NFKB1: variants seen among roughly 807,000 people sequenced by gnomAD.
The protein encoded by NFKB1 is nuclear factor kappa B subunit 1, also known as nuclear factor NF-kappa-B p105 subunit.
NFKB1 carries 9 observed loss-of-function variants against 105.1 expected under a neutral mutation model. The ratio of observed to expected loss-of-function variants is 0.09; its 90% CI spans 0.05 to 0.15. The LOEUF (loss-of-function observed/expected upper bound fraction) is 0.15, where lower values mean the gene tolerates loss of function less well. Among genes scored for constraint, NFKB1 ranks in the 10% least tolerant of loss-of-function variants. The pLI is 1.00. For missense variants in NFKB1, 830 were observed against 1,203.7 expected (o/e 0.69, Z 4.59); for synonymous variants, 440 against 442.2 (o/e 1.00, Z 0.06).
chr4:102,551,368 G>GTGTGTGTGTGTGTGT, intron 5 of NFKB1, among the ~76,000 whole-genome samples: 1 of 120,602 alleles, frequency 8.3e-6, no homozygotes, highest in African/African-American at 3.5e-5. Context: ...GTGTGTGTGT[G>GTGTGTGTGTGTGTGT]CGCGCGCGCA....
chr4:102,569,297 AC>A (rs1396883862), intron 6 of NFKB1, among the ~76,000 whole-genome samples: 2 of 152,042 alleles, frequency 1.3e-5, no homozygotes, highest in Non-Finnish European at 2.9e-5. Flanking sequence ...CTTCTTGGGG[AC>A]CTTAATGTCT....
intron 19 of NFKB1, among the ~76,000 whole-genome samples, chr4:102,609,519 G>A (rs1440967668): frequency 6.8e-6 from 1 of 147,898 alleles, no homozygotes; most frequent in African/African-American, 2.5e-5. Flanking sequence ...GGCTAAGGAA[G>A]GAGAATAACT....
intron 1 of NFKB1, among the ~76,000 whole-genome samples, chr4:102,513,838 C>G (rs959831158): frequency 4.6e-5 from 7 of 151,994 alleles, no homozygotes; most frequent in Non-Finnish European, 2.9e-5. Flanking sequence ...TGGCTCGGGA[C>G]GTGGTCTATC....
intron 5 of NFKB1, among the ~76,000 whole-genome samples, chr4:102,544,739 A>G (rs1163768978): frequency 2.0e-5 from 3 of 152,184 alleles, no homozygotes; most frequent in Non-Finnish European, 2.9e-5. Flanking sequence ...ACTATTATAA[A>G]GTGGAGAAAG....
At chr4:102,541,894 G>A (rs190237418) in intron 5 of NFKB1, among the ~76,000 whole-genome samples, 6 of 152,160 alleles carry the variant, frequency 3.9e-5, no homozygotes, top group East Asian at 1.9e-4. Context: ...TTGTGAGAGC[G>A]CCACCACTCT....
chr4:102,549,273 T>G (rs1722385750), intron 5 of NFKB1, among the ~76,000 whole-genome samples: 1 of 151,732 alleles, frequency 6.6e-6, no homozygotes, highest in Non-Finnish European at 1.5e-5. Context: ...AAACTGAGGC[T>G]TAATGAGTAA....
Position 102,612,478 on chromosome 4 carries a change from A to C in NFKB1, c.2464A>C (p.Lys822Gln). The C allele has an allele frequency of 6.2e-7, 1 of 1,613,802 alleles. No homozygotes were observed. Residue 822 changes from lysine to glutamine, a missense_variant, in exon 22 of 24, where the codon AAG becomes CAG. By Grantham distance (53) the Lys-to-Gln change is moderately conservative. This residue lies in a region of NFKB1 where 418 missense variants were observed against 575.3 expected (regional missense o/e 0.73). Transcript: ENST00000226574. ...TGAAGATGTGAAGCTGCAGCTGTAT[A>C]AGTTACTAGAAATTCCTGATCCAGA... The part of the protein sequence containing the change: ...LAEDVKLQLY[K>Q]LLEIPDPDKN...
intron 2 of NFKB1, among the ~76,000 whole-genome samples, chr4:102,526,821 T>C (rs1740942704): frequency 1.3e-5 from 2 of 152,180 alleles, no homozygotes; most frequent in East Asian, 3.8e-4. Context: ...TATTTTATTT[T>C]GAAAAATGTT....
intron 11 of NFKB1, among the ~76,000 whole-genome samples, chr4:102,585,064 AC>A (rs1180258510): frequency 6.9e-6 from 1 of 145,454 alleles, no homozygotes; most frequent in African/African-American, 2.5e-5. Flanking sequence ...TTTTTTTTTT[AC>A]TTTTAATAGA....
intron 5 of NFKB1, among the ~76,000 whole-genome samples, chr4:102,551,269 C>T (rs1275055639): frequency 1.3e-5 from 2 of 152,160 alleles, no homozygotes; most frequent in Non-Finnish European, 2.9e-5. Flanking sequence ...AGCCAAGATA[C>T]AGACATGTGT....
At chr4:102,596,739 T>C (rs1322751526) in intron 14 of NFKB1, among the ~76,000 whole-genome samples, 1 of 152,124 alleles carries the variant, frequency 6.6e-6, no homozygotes, top group East Asian at 1.9e-4. Context: ...CTTTTTATCT[T>C]GTGCCCTCTT....
intron 4 of NFKB1, among the ~76,000 whole-genome samples, chr4:102,537,339 C>A (rs780980583): frequency 8.5e-5 from 13 of 152,112 alleles, no homozygotes; most frequent in Non-Finnish European, 1.8e-4. Flanking sequence ...TTAACAGATG[C>A]AGGGTCTAGC....
At chr4:102,582,065 G>A (rs1578792319) in intron 9 of NFKB1, among the ~76,000 whole-genome samples, 2 of 152,314 alleles carry the variant, frequency 1.3e-5, no homozygotes, top group South Asian at 4.1e-4. Context: ...TTCTGTAGAA[G>A]TGAATAGAGT....
intron 6 of NFKB1, among the ~76,000 whole-genome samples, chr4:102,573,433 A>G (rs748576146): frequency 1.3e-5 from 2 of 152,054 alleles, no homozygotes; most frequent in Non-Finnish European, 2.9e-5. Context: ...GTTCCTCTGT[A>G]TATAATTTTT....
chr4:102,579,973 A>C lies in NFKB1; in HGVS notation c.731-562A>C, dbSNP rs544140141. Reference sequence around the variant, plus strand: ...TCACCTTAAAATGCAGCTGTTGGAGAAAAAAAAAAAGGAAGCTTTATGCTA... The same window carrying C: ...TCACCTTAAAATGCAGCTGTTGGAGCAAAAAAAAAAGGAAGCTTTATGCTA... On this transcript the variant is annotated intron_variant, in intron 8 of 23. Transcript: ENST00000226574. Among the ~76,000 whole-genome samples the C allele has an allele frequency of 7.2e-4, 103 of 143,464 alleles. 1 individual carries two copies. The highest frequency in any genetic ancestry group is 2.5e-3 in the African/African-American group (96 of 38,154). 94.1% of individuals were successfully genotyped at this position (143,464 alleles called of 152,430 possible).
intron 4 of NFKB1, among the ~76,000 whole-genome samples, chr4:102,534,465 T>C (rs1741506475): frequency 6.6e-6 from 1 of 152,162 alleles, no homozygotes; most frequent in Non-Finnish European, 1.5e-5. Flanking sequence ...TTTTTTCAGG[T>C]GCTTCCCCTT....
intron 6 of NFKB1, among the ~76,000 whole-genome samples, chr4:102,574,094 T>G (rs1418453251): frequency 6.6e-6 from 1 of 151,812 alleles, no homozygotes; most frequent in Non-Finnish European, 1.5e-5. Flanking sequence ...TGACAGGTAT[T>G]TTGAATTTTG....
At position 102,616,589 on chromosome 4, in the gene NFKB1, A is replaced by C. The variant is rs1728964379; in HGVS notation, c.2905A>C (p.Ile969Leu). 6.2e-7 allele frequency: 1 copy of C among 1,613,666 alleles called. No homozygotes were observed. The highest frequency in any genetic ancestry group is 8.5e-7 in the Non-Finnish European group (1 of 1,179,872). Residue 969 changes from isoleucine (I) to leucine (L), a missense_variant, in exon 24 of 24, where the codon ATT (isoleucine) becomes CTT (leucine). Ile to Leu is a conservative substitution (Grantham distance 5). Transcript: ENST00000226574. ...YGQEGPLEGK[I>L] ...GCAGGAAGGACCTCTAGAAGGCAAA[A>C]TTTAGCCTGCTGACAATTTCCCACA...
At chr4:102,578,550 T>C in intron 7 of NFKB1, 1 of 379,184 alleles carries the variant, frequency 2.6e-6, no homozygotes, top group Non-Finnish European at 4.7e-6. Flanking sequence ...GGTTATTCAA[T>C]TCCATTCCAT....
Sources: allele counts gnomAD v4.1 joint callset (sites outside exome capture counted in the v4.1 genomes callset), GRCh38; gene constraint gnomAD v4.1.1; regional missense constraint gnomAD v4.1.1; transcripts MANE v1.5; gene names NCBI Gene and HGNC (gene_info 2026-07-23, HGNC 2026-07-21).